Variants in MARK4 observed in about 807,000 individuals in gnomAD.
The protein encoded by MARK4 is MAP/microtubule affinity-regulating kinase 4.
Under a neutral mutation model 81.5 loss-of-function variants are expected in MARK4, and 19 were observed. The ratio of observed to expected loss-of-function variants is 0.23; its 90% CI spans 0.16 to 0.34. MARK4 has a LOEUF of 0.34. Ranked by LOEUF, MARK4 falls within the 10% of genes least tolerant of loss-of-function variation. The pLI is 1.00. For missense variants in MARK4, 772 were observed against 1,058.8 expected (o/e 0.73, Z 3.76); for synonymous variants, 436 against 439.0 (o/e 0.99, Z 0.08).
chr19:45,264,660 C>T (rs1568492060), intron 4 of MARK4, 24 bp from the exon 5 acceptor site: 1 of 1,613,186 alleles, frequency 6.2e-7, no homozygotes. Context: ...CCCTAATGCC[C>T]TACACTGTTC....
At position 45,251,317 on chromosome 19, in the gene MARK4, C is replaced by A. The variant is rs1016196796; in HGVS notation, c.-272C>A. 2.7e-5 allele frequency: 4 copies of A among 150,380 alleles called. No homozygotes were observed. The highest frequency in any genetic ancestry group is 1.9e-4 in the South Asian group (1 of 5,284). 9.3% of individuals were successfully genotyped at this position (150,380 alleles called of 1,614,324 possible). A position where few individuals can be genotyped will look rare whatever the true frequency, so the allele number is the denominator to read the frequency against. ...CGCCTCCCTCCGCCGCCGCTTGGGC[C>A]GGCTCCGCGCCCCCTCCGCGGCCCC... is the stretch of plus-strand genomic sequence containing the variant. On this transcript the variant is annotated 5_prime_UTR_variant, in exon 1 of 17. Transcript: ENST00000262891.
intron 4 of MARK4, among the ~76,000 whole-genome samples, chr19:45,264,189 A>G (rs1970419169): frequency 6.6e-6 from 1 of 152,086 alleles, no homozygotes; most frequent in African/African-American, 2.4e-5. Context: ...CATGGAGCTG[A>G]CATTCTTGTG....
At chr19:45,257,175 T>A (rs1331854430) in intron 1 of MARK4, among the ~76,000 whole-genome samples, 2 of 151,964 alleles carry the variant, frequency 1.3e-5, no homozygotes, top group Non-Finnish European at 2.9e-5. Flanking sequence ...TTGCCCAGGC[T>A]GGTCTCAAAC....
rs899485970 is a variant in MARK4 at position 45,298,056 on chromosome 19, TTCCTCC to T, written c.1877+117_1877+122del. 3.1e-4 allele frequency: 469 copies of T among 1,491,314 alleles called. 2 individuals carry two copies. In the East Asian group the frequency reaches 0.01, roughly 32 times the overall value. The allele number at this position is 1,491,314 out of a possible 1,614,324, so 92.4% of individuals were successfully genotyped here. A position where few individuals can be genotyped will look rare whatever the true frequency, so the allele number is the denominator to read the frequency against. ...GTCTCCTGTACCCCAACATTTCCTC[TTCCTCC>T]TCCTCCTCCTCCTCGTTTCCTCCTC... On this transcript the variant is annotated intron_variant, in intron 15 of 16. Coordinates refer to ENST00000262891, the MANE Select transcript of MARK4 (RefSeq NM_001199867.2).
chr19:45,251,485 T>G lies in MARK4; in HGVS notation c.-104T>G. On this transcript the variant is annotated 5_prime_UTR_variant, in exon 1 of 17. Transcript: ENST00000262891. The stretch of plus-strand genomic sequence containing the variant: ...CCGGGCGTTCTCGGCGCCCAGCTTT[T>G]GAGCTCGCGTCCCCAGGCCGGCGGG... 3 of 672,854 alleles carry G rather than the reference T, an allele frequency of 4.5e-6. No homozygotes were observed. Among genetic ancestry groups the G allele is most frequent in the Non-Finnish European group, 6.9e-6 (3 of 431,806 alleles). The allele number at this position is 672,854 out of a possible 1,614,324, so 41.7% of individuals were successfully genotyped here. A position where few individuals can be genotyped will look rare whatever the true frequency, so the allele number is the denominator to read the frequency against.
intron 13 of MARK4, chr19:45,287,991 C>A: frequency 2.8e-6 from 1 of 351,754 alleles, no homozygotes; most frequent in Non-Finnish European, 5.4e-6. Flanking sequence ...GTAATCCTGG[C>A]ATTTTGGGAG....
In MARK4 at chr19:45,262,959, TTCG is replaced by T. The variant is rs1275756557; in HGVS notation, c.253-149_253-147del. On this transcript the variant is annotated intron_variant, in intron 2 of 16. Transcript: ENST00000262891. ...TTTGTATTTTTAGTAAAGACAGGGT[TTCG>T]TCGTGTTGACCAGGCTGGTCTCGAA... 3.7e-5 allele frequency: 29 copies of T among 778,948 alleles called. No homozygotes were observed. In the Middle Eastern group the frequency reaches 1.7e-3, roughly 45 times the overall value. The allele number at this position is 778,948 out of a possible 1,614,324, so 48.3% of individuals were successfully genotyped here.
intron 1 of MARK4, among the ~76,000 whole-genome samples, chr19:45,255,768 C>T (rs1159192385): frequency 6.6e-6 from 1 of 152,210 alleles, no homozygotes; most frequent in Non-Finnish European, 1.5e-5. Flanking sequence ...GCCCCCAGCC[C>T]ATCAGCCTCT....
chr19:45,263,219 G>C, intron 3 of MARK4, 53 bp downstream of exon 3: 1 of 1,613,408 alleles, frequency 6.2e-7, no homozygotes, highest in Non-Finnish European at 8.5e-7. Context: ...GCACAGCCGG[G>C]TGACCCACCT....
At chr19:45,281,784 A>G (rs1324444737) in intron 12 of MARK4, among the ~76,000 whole-genome samples, 1 of 152,228 alleles carries the variant, frequency 6.6e-6, no homozygotes, top group Non-Finnish European at 1.5e-5. Context: ...GACACGTTGT[A>G]CAAAGTGGCT....
intron 13 of MARK4, among the ~76,000 whole-genome samples, chr19:45,289,246 C>T (rs576532492): frequency 8.6e-5 from 13 of 151,448 alleles, no homozygotes; most frequent in African/African-American, 3.1e-4. Context: ...AATTAGCTGG[C>T]TGTGGTGGCG....
Position 45,251,593 on chromosome 19 carries a change from C to T in MARK4, c.5C>T (p.Ser2Phe). ...GCCCCCCGGGACCCGGAGAAGATGT[C>T]TTCGCGGACGGTGCTGGCCCCGGGC... MSSRTVLAPGND... is the reference protein window; with the variant it reads MFSRTVLAPGND... Residue 2 changes from serine to phenylalanine, a missense_variant, in exon 1 of 17, where the codon TCT becomes TTT. By Grantham distance (155) the Ser-to-Phe change is radical. Coordinates refer to ENST00000262891, the MANE Select transcript of MARK4 (RefSeq NM_001199867.2). 1 of 1,143,504 alleles carries T rather than the reference C, an allele frequency of 8.7e-7. No individual in the cohort carries two copies. Among genetic ancestry groups the T allele is most frequent in the South Asian group, 1.7e-5 (1 of 59,158 alleles). The allele number at this position is 1,143,504 out of a possible 1,614,324, so 70.8% of individuals were successfully genotyped here. A position where few individuals can be genotyped will look rare whatever the true frequency, so the allele number is the denominator to read the frequency against.
chr19:45,264,364 G>A (rs944966702), intron 4 of MARK4, among the ~76,000 whole-genome samples: 1 of 152,072 alleles, frequency 6.6e-6, no homozygotes, highest in Non-Finnish European at 1.5e-5. Context: ...AGCCGGATAT[G>A]GTGGCGCATG....
intron 7 of MARK4, among the ~76,000 whole-genome samples, chr19:45,266,730 C>CTTTTTT (rs35618045): frequency 2.4e-5 from 3 of 124,262 alleles, no homozygotes; most frequent in South Asian, 2.6e-4. Context: ...AATCTGAGAA[C>CTTTTTT]TTTTTTTTTT....
rs900545702 is a variant in MARK4, at chr19:45,294,376, C to T, written c.1522C>T (p.Arg508Cys). ...PNNLPPSMMTRRNTYVCTERP... is the reference protein window; with the variant it reads ...PNNLPPSMMTCRNTYVCTERP... ...CAACCTCCCTCCTAGCATGATGACC[C>T]GCAGAAACACCTACGTTTGCACAGA... Residue 508 changes from arginine (R) to cysteine (C), a missense_variant, in exon 14 of 17, where the codon CGC becomes TGC. This residue lies in a region of MARK4 where 548 missense variants were observed against 624.3 expected (regional missense o/e 0.88). Transcript: ENST00000262891. 6.2e-6 allele frequency: 10 copies of T among 1,614,128 alleles called. No homozygotes were observed. The highest frequency in any genetic ancestry group is 4.5e-5 in the East Asian group (2 of 44,876).
At chr19:45,269,977 G>A (rs1407571840) in intron 7 of MARK4, among the ~76,000 whole-genome samples, 2 of 151,990 alleles carry the variant, frequency 1.3e-5, no homozygotes, top group East Asian at 1.9e-4. Flanking sequence ...ACAGGCACCC[G>A]CCACCACGCC....
rs1274584075 is a variant in MARK4 at position 45,304,664 on chromosome 19, A to T, written c.*1954A>T. 6.6e-6 allele frequency: 1 copy of T among 152,284 alleles called. No homozygotes were observed. Among genetic ancestry groups the T allele is most frequent in the African/African-American group, 2.4e-5 (1 of 41,446 alleles). The allele number at this position is 152,284 out of a possible 1,614,324, so 9.4% of individuals were successfully genotyped here. ...CCCCAACACTGCCCTCATAGAGCTCACAGTCCAATGGAGGAGGCAGATGTG... is the reference window on the plus strand; with the variant it reads ...CCCCAACACTGCCCTCATAGAGCTCTCAGTCCAATGGAGGAGGCAGATGTG... On this transcript the variant is annotated 3_prime_UTR_variant, in exon 17 of 17. Coordinates refer to ENST00000262891, the MANE Select transcript of MARK4 (RefSeq NM_001199867.2).
chr19:45,276,022 G>A (rs1365949682), intron 8 of MARK4, among the ~76,000 whole-genome samples: 3 of 151,630 alleles, frequency 2.0e-5, no homozygotes, highest in Non-Finnish European at 2.9e-5. Context: ...GCCTCCCTTC[G>A]TTTTTTTTGT....
At chr19:45,289,970 C>G (rs1027833960) in intron 13 of MARK4, among the ~76,000 whole-genome samples, 3 of 151,610 alleles carry the variant, frequency 2.0e-5, no homozygotes, top group African/African-American at 7.3e-5. Flanking sequence ...GGTGGTGGCA[C>G]GTGCTGGTAG....
Sources: allele counts gnomAD v4.1 joint callset (sites outside exome capture counted in the v4.1 genomes callset), GRCh38; gene constraint gnomAD v4.1.1; regional missense constraint gnomAD v4.1.1; transcripts MANE v1.5; gene names NCBI Gene and HGNC (gene_info 2026-07-23, HGNC 2026-07-21).